The following SEL1L variants were observed in gnomAD, a reference collection of about 807,000 sequenced individuals.
SEL1L encodes protein sel-1 homolog 1.
SEL1L carries 52 observed loss-of-function variants against 109.8 expected under a neutral mutation model. That is an observed-to-expected ratio of 0.47 (90% CI 0.38 to 0.60). The LOEUF (loss-of-function observed/expected upper bound fraction) is 0.60. Ranked by LOEUF, SEL1L falls within the 20% of genes least tolerant of loss-of-function variation. SEL1L has a pLI of 0.00. For synonymous variants in SEL1L, 373 were observed against 339.6 expected (o/e 1.10, Z -1.08); for missense variants, 749 against 962.2 (o/e 0.78, Z 2.93).
chr14:81,511,192 G>C (rs1458107453), intron 3 of SEL1L, among the ~76,000 whole-genome samples: 1 of 152,208 alleles, frequency 6.6e-6, no homozygotes, highest in Non-Finnish European at 1.5e-5. Flanking sequence ...CCACTTTACA[G>C]ATTAAAATGT....
intron 10 of SEL1L, 79 bp from the exon 11 acceptor site, chr14:81,495,216 T>C (rs955017980): frequency 5.3e-6 from 7 of 1,330,218 alleles, no homozygotes; most frequent in African/African-American, 1.4e-5. Context: ...AAGAAATGAT[T>C]TGGTCGTAAA....
intron 4 of SEL1L, among the ~76,000 whole-genome samples, 183 bp from the exon 5 acceptor site, chr14:81,504,489 A>G (rs1041298692): frequency 6.7e-6 from 1 of 148,318 alleles, no homozygotes; most frequent in East Asian, 1.9e-4. Flanking sequence ...TAAAAAAAAT[A>G]TATATATATA....
At chr14:81,517,187 C>G (rs891570389) in intron 3 of SEL1L, among the ~76,000 whole-genome samples, 1 of 152,062 alleles carries the variant, frequency 6.6e-6, no homozygotes, top group Non-Finnish European at 1.5e-5. Context: ...TTGTTGAGAG[C>G]CATAGAATCT....
At chr14:81,520,171 T>C (rs1465851376) in intron 3 of SEL1L, among the ~76,000 whole-genome samples, 3 of 152,216 alleles carry the variant, frequency 2.0e-5, no homozygotes, top group African/African-American at 7.2e-5. Flanking sequence ...ATGCAATTTA[T>C]GTCATATATA....
chr14:81,484,753 A>G (rs1015508799), intron 18 of SEL1L, among the ~76,000 whole-genome samples: 5 of 152,242 alleles, frequency 3.3e-5, no homozygotes, highest in African/African-American at 1.2e-4. Context: ...AGCATTTCAG[A>G]TTTCAGATTA....
intron 3 of SEL1L, among the ~76,000 whole-genome samples, chr14:81,515,581 T>C (rs1006875701): frequency 6.6e-6 from 1 of 152,166 alleles, no homozygotes; most frequent in African/African-American, 2.4e-5. Context: ...CTGACCTGTG[T>C]TCTAGAAGGA....
At chr14:81,513,491 G>A (rs145374900) in intron 3 of SEL1L, among the ~76,000 whole-genome samples, 1,525 of 152,158 alleles carry the variant, frequency 0.01, 23 homozygotes, top group African/African-American at 0.034. Flanking sequence ...AACACTCACC[G>A]CGAGAGTCCG....
intron 2 of SEL1L, among the ~76,000 whole-genome samples, 160 bp downstream of exon 2, chr14:81,527,541 C>T (rs1026666295): frequency 2.0e-5 from 3 of 151,846 alleles, no homozygotes; most frequent in African/African-American, 7.3e-5. Flanking sequence ...TTTCTTCCTC[C>T]AGAAAAACTA....
chr14:81,481,319 G>C (rs929393585), intron 19 of SEL1L, among the ~76,000 whole-genome samples: 3 of 152,132 alleles, frequency 2.0e-5, no homozygotes, highest in African/African-American at 7.2e-5. Context: ...GACCAAAAAT[G>C]ACTCCCCCTC....
intron 20 of SEL1L, chr14:81,479,192 C>A (rs1311760769): frequency 6.6e-6 from 1 of 152,462 alleles, no homozygotes; most frequent in Non-Finnish European, 1.5e-5. Context: ...TAATGCTTCA[C>A]TATCGGAAGA....
chr14:81,511,808 T>C (rs1884487775), intron 3 of SEL1L, among the ~76,000 whole-genome samples: 3 of 152,226 alleles, frequency 2.0e-5, no homozygotes, highest in African/African-American at 7.2e-5. Context: ...TTTGTGCCAT[T>C]TGAAATAGAT....
intron 2 of SEL1L, among the ~76,000 whole-genome samples, chr14:81,527,444 C>A (rs1244719353): frequency 1.5e-5 from 1 of 64,850 alleles, no homozygotes; most frequent in Admixed American, 1.7e-4. Context: ...AACTTACACA[C>A]ACACACACAC....
chr14:81,472,657 A>G lies in SEL1L; in HGVS notation c.*4315T>C, dbSNP rs986219154. On this transcript the variant is annotated 3_prime_UTR_variant, in exon 21 of 21. Coordinates refer to ENST00000336735, the MANE Select transcript of SEL1L (RefSeq NM_005065.6). Reference sequence around the variant, plus strand: ...GGCTAAAGTGAATCACGCTTACTACATATCAAGGCTGCTTCAAGACAAAGA... The same window carrying G: ...GGCTAAAGTGAATCACGCTTACTACGTATCAAGGCTGCTTCAAGACAAAGA... 8.9e-5 allele frequency: 36 copies of G among 405,304 alleles called. No individual in the cohort carries two copies. Among genetic ancestry groups the G allele is most frequent in the Middle Eastern group, 7.4e-4 (2 of 2,700 alleles). The allele number at this position is 405,304 out of a possible 1,614,324, so 25.1% of individuals were successfully genotyped here. A position where few individuals can be genotyped will look rare whatever the true frequency, so the allele number is the denominator to read the frequency against.
intron 1 of SEL1L, among the ~76,000 whole-genome samples, chr14:81,533,032 CATCTT>C (rs1485470018): frequency 6.6e-6 from 1 of 152,168 alleles, no homozygotes; most frequent in Admixed American, 6.5e-5. Flanking sequence ...ATATAAAACG[CATCTT>C]ATAAGAACCA....
At chr14:81,499,898 T>C (rs1431304262) in intron 6 of SEL1L, among the ~76,000 whole-genome samples, 20 of 150,990 alleles carry the variant, frequency 1.3e-4, no homozygotes, top group Admixed American at 1.3e-3. Flanking sequence ...TTTATTTATT[T>C]GTGGCTTTTT....
At chr14:81,504,169 G>A (rs759394257) in intron 5 of SEL1L, 32 bp downstream of exon 5, 8 of 1,359,122 alleles carry the variant, frequency 5.9e-6, no homozygotes, top group African/African-American at 1.5e-5. Flanking sequence ...GGCCTGTCAT[G>A]GGGGAAAAGT....
intron 19 of SEL1L, among the ~76,000 whole-genome samples, chr14:81,482,215 T>C (rs1411809286): frequency 6.6e-6 from 1 of 152,204 alleles, no homozygotes; most frequent in Admixed American, 6.5e-5. Context: ...TACAGTGTAT[T>C]ACAAATTAAA....
intron 18 of SEL1L, chr14:81,484,655 A>G: frequency 3.3e-6 from 1 of 303,460 alleles, no homozygotes; most frequent in Non-Finnish European, 6.3e-6. Flanking sequence ...GACAGGTTTA[A>G]TATCCCTAAT....
chr14:81,498,278 C>T (rs1883858440), intron 9 of SEL1L, 135 bp downstream of exon 9: 3 of 835,238 alleles, frequency 3.6e-6, no homozygotes, highest in Non-Finnish European at 3.6e-6. Context: ...ACTTCTGAAC[C>T]TCAACTAGTT....
Sources: allele counts gnomAD v4.1 joint callset (sites outside exome capture counted in the v4.1 genomes callset), GRCh38; gene constraint gnomAD v4.1.1; transcripts MANE v1.5; gene names NCBI Gene and HGNC (gene_info 2026-07-23, HGNC 2026-07-21).